Variants in BST1 observed in about 807,000 individuals in gnomAD.
The protein encoded by BST1 is bone marrow stromal cell antigen 1.
A neutral mutation model predicts 40.6 loss-of-function variants in BST1; 49 were observed. That is an observed-to-expected ratio of 1.21 (90% CI 0.96 to 1.53). The LOEUF is 1.53. BST1 is among the 40% of genes most tolerant of loss of function. BST1 has a pLI of 0.00. For missense variants in BST1, 423 were observed against 395.9 expected (o/e 1.07, Z -0.58); for synonymous variants, 157 against 159.3 (o/e 0.99, Z 0.11).
the BST1 span, among the ~76,000 whole-genome samples, chr4:15,754,030 C>T: frequency 3.3e-5 from 5 of 152,160 alleles, no homozygotes; most frequent in African/African-American, 1.2e-4. Context: ...GGGGCTGGAT[C>T]CAGGGCAGAG....
the BST1 span, among the ~76,000 whole-genome samples, chr4:15,768,720 T>G: frequency 6.6e-6 from 1 of 151,852 alleles, no homozygotes; most frequent in Non-Finnish European, 1.5e-5. Context: ...ATGGTCTCGA[T>G]CTCCTGACCT....
chr4:15,764,407 CTGAGA>C, the BST1 span, among the ~76,000 whole-genome samples: 5 of 151,952 alleles, frequency 3.3e-5, no homozygotes, highest in Non-Finnish European at 7.3e-5. Context: ...CTCCCCTCAG[CTGAGA>C]TATTTGACCT....
intron 6 of BST1, among the ~76,000 whole-genome samples, chr4:15,718,317 A>G (rs980336090): frequency 2.0e-5 from 3 of 152,062 alleles, no homozygotes; most frequent in African/African-American, 7.2e-5. Flanking sequence ...GCAGACTACA[A>G]AACACATTGG....
chr4:15,730,952 C>A, intron 8 of BST1: 1 of 356,932 alleles, frequency 2.8e-6, no homozygotes, highest in South Asian at 4.3e-5. Flanking sequence ...AGAATTTATT[C>A]AAATGTGCCT....
chr4:15,757,743 G>C, the BST1 span, among the ~76,000 whole-genome samples: 1 of 152,180 alleles, frequency 6.6e-6, no homozygotes. Context: ...CTGGGTTCGA[G>C]TGATTCTCCT....
intron 8 of BST1, among the ~76,000 whole-genome samples, chr4:15,723,195 T>C (rs773844388): frequency 1.1e-3 from 165 of 152,362 alleles, no homozygotes; most frequent in Non-Finnish European, 1.9e-3. Context: ...TTCATACTTC[T>C]GTCCTAGTCT....
chr4:15,742,588 A>C (rs531408642), downstream of BST1, among the ~76,000 whole-genome samples: 5 of 152,372 alleles, frequency 3.3e-5, no homozygotes, highest in African/African-American at 1.2e-4. Flanking sequence ...AAATAGACAA[A>C]GACAAAGTTG....
rs754732490 is a variant in BST1, at chr4:15,711,853, T to C, written c.498T>C (p.Asn166=). ...SCPTSEDCEN[N]PVDSFWKRAS... ...CTACATCAGAAGACTGTGAAAATAA[T>C]CCTGTGGATTCCTTTTGGAAAAGGG... The change falls in exon 4 of 9, where the codon AAT becomes AAC. Residue 166 remains asparagine (N), a synonymous_variant. Coordinates refer to ENST00000265016, the MANE Select transcript of BST1 (RefSeq NM_004334.3). The C allele has an allele frequency of 1.2e-6, 2 of 1,614,144 alleles. No homozygotes were observed. The highest frequency in any genetic ancestry group is 1.1e-5 in the South Asian group (1 of 91,082).
chr4:15,718,776 A>G (rs1225161971), intron 6 of BST1, 131 bp from the exon 7 acceptor site: 8 of 718,164 alleles, frequency 1.1e-5, no homozygotes, highest in Non-Finnish European at 1.8e-5. Flanking sequence ...AACCAGAGAC[A>G]TTCCAGTTTT....
chr4:15,739,265 T>C (rs1044691865), downstream of BST1, among the ~76,000 whole-genome samples: 14 of 152,314 alleles, frequency 9.2e-5, no homozygotes, highest in African/African-American at 2.9e-4. Flanking sequence ...TTACTTGAAG[T>C]CTTATGTATT....
At chr4:15,721,935 C>G (rs1003280602) in intron 7 of BST1, among the ~76,000 whole-genome samples, 1 of 152,184 alleles carries the variant, frequency 6.6e-6, no homozygotes, top group East Asian at 1.9e-4. Flanking sequence ...CTGCAGTGAT[C>G]GTGCCACAGA....
intron 8 of BST1, chr4:15,731,313 T>C (rs565092246): frequency 9.8e-6 from 5 of 512,160 alleles, no homozygotes; most frequent in African/African-American, 7.8e-5. Flanking sequence ...CATCATACTC[T>C]TGGCCAGTTT....
the BST1 span, among the ~76,000 whole-genome samples, chr4:15,766,981 C>G: frequency 6.6e-6 from 1 of 151,616 alleles, no homozygotes; most frequent in Non-Finnish European, 1.5e-5. Flanking sequence ...GCCAGCATGC[C>G]CAAGAGAACA....
intron 8 of BST1, among the ~76,000 whole-genome samples, chr4:15,728,483 G>A (rs546729215): frequency 2.6e-4 from 33 of 126,802 alleles, no homozygotes; most frequent in Non-Finnish European, 4.2e-4. Flanking sequence ...ACAGGTTATC[G>A]CTCTGTCACC....
chr4:15,715,309 A>T lies in BST1; in HGVS notation c.559A>T (p.Ile187Phe), dbSNP rs34259104. The T allele has an allele frequency of 2.5e-5, 41 of 1,614,156 alleles. No homozygotes were observed. Among genetic ancestry groups the T allele is most frequent in the Non-Finnish European group, 3.1e-5 (37 of 1,180,006 alleles). Residue 187 changes from isoleucine (I) to phenylalanine (F), a missense_variant, in exon 5 of 9, where the codon ATC (isoleucine) becomes TTC (phenylalanine). Physicochemically the swap from Ile to Phe is conservative, Grantham distance 21 (BLOSUM62 0). Coordinates refer to ENST00000265016, the MANE Select transcript of BST1 (RefSeq NM_004334.3). Reference protein sequence around the residue: ...IQYSKDSSGVIHVMLNGSEPT... With the variant: ...IQYSKDSSGVFHVMLNGSEPT... ...GTATTCCAAGGATAGTTCTGGGGTGATCCACGTCATGCTGAATGGTTCAGA... is the reference window on the plus strand; with the variant it reads ...GTATTCCAAGGATAGTTCTGGGGTGTTCCACGTCATGCTGAATGGTTCAGA...
intron 2 of BST1, among the ~76,000 whole-genome samples, chr4:15,707,226 T>C (rs1719927577): frequency 6.6e-6 from 1 of 152,196 alleles, no homozygotes; most frequent in Non-Finnish European, 1.5e-5. Context: ...CCCAGTTCCC[T>C]TGATCATTTT....
rs759841572 is a variant in BST1 at position 15,711,790 on chromosome 4, G to A, written c.452-17G>A. On this transcript the variant is annotated splice_polypyrimidine_tract_variant and intron_variant, in intron 3 of 8. Coordinates refer to ENST00000265016, the MANE Select transcript of BST1 (RefSeq NM_004334.3). ...ATAATCTTTGGAATAAAATGTGTTT[G>A]TCTACTTACCCCTTAGGACTCGATT... 2 of 1,585,922 alleles carry A rather than the reference G, an allele frequency of 1.3e-6. No homozygotes were observed.
the BST1 span, among the ~76,000 whole-genome samples, chr4:15,766,396 TGTGG>T: frequency 7.2e-5 from 11 of 151,820 alleles, no homozygotes; most frequent in Non-Finnish European, 1.2e-4. Flanking sequence ...TAAGGGAGGA[TGTGG>T]CTGAGAAGCT....
At chr4:15,750,287 A>C in the BST1 span, among the ~76,000 whole-genome samples, 1 of 152,132 alleles carries the variant, frequency 6.6e-6, no homozygotes, top group African/African-American at 2.4e-5. Flanking sequence ...AGCCTCTCAA[A>C]GTGCTGGGAT....
Sources: allele counts gnomAD v4.1 joint callset (sites outside exome capture counted in the v4.1 genomes callset), GRCh38; gene constraint gnomAD v4.1.1; transcripts MANE v1.5; gene names NCBI Gene and HGNC (gene_info 2026-07-23, HGNC 2026-07-21).